Variants in NXN observed in about 807,000 individuals in gnomAD.
The protein encoded by NXN is nucleoredoxin, also known as nucleoredoxin 1.
NXN carries 16 observed loss-of-function variants against 48.6 expected under a neutral mutation model. The observed-to-expected ratio is 0.33, with a 90% CI of 0.22 to 0.50. The LOEUF (loss-of-function observed/expected upper bound fraction) is 0.50, where lower values mean the gene tolerates loss of function less well. NXN is among the 20% of genes least tolerant of loss of function. The pLI is 0.98. For missense variants in NXN, 492 were observed against 605.5 expected, an observed-to-expected ratio of 0.81 and a Z score of 1.97; for synonymous variants, 281 against 269.6, an observed-to-expected ratio of 1.04 and a Z score of -0.41.
Position 834,090 on chromosome 17 carries a change from C to T in NXN, c.361-8012G>A, listed in dbSNP as rs143558606. On this transcript the variant is annotated intron_variant, in intron 1 of 7. Transcript: ENST00000336868. Reference sequence around the variant, plus strand: ...ATCCCAGCACTCTGGGGGGACGAGGCGGGTGGATCGCTTGAGCCCAGGAGT... The same window carrying T: ...ATCCCAGCACTCTGGGGGGACGAGGTGGGTGGATCGCTTGAGCCCAGGAGT... 9.0e-4 allele frequency among the ~76,000 whole-genome samples: 137 copies of T among 152,234 alleles called. 2 individuals are homozygous for T. The South Asian group carries it at 0.014, about 15-fold the overall frequency.
chr17:947,622 A>T (rs1182436084), intron 1 of NXN, among the ~76,000 whole-genome samples: 1 of 151,222 alleles, frequency 6.6e-6, no homozygotes, highest in East Asian at 1.9e-4. Context: ...AATCCAAGCC[A>T]CTCGGGAGGC....
intron 1 of NXN, among the ~76,000 whole-genome samples, chr17:870,018 G>T (rs2068134891): frequency 6.6e-6 from 1 of 152,200 alleles, no homozygotes; most frequent in African/African-American, 2.4e-5. Context: ...AGCAATGCCT[G>T]GGAACGTTCC....
chr17:887,258 C>G (rs2068358885), intron 1 of NXN, among the ~76,000 whole-genome samples: 1 of 152,134 alleles, frequency 6.6e-6, no homozygotes, highest in South Asian at 2.1e-4. Context: ...TCCATGCTAG[C>G]TGACCGGCCA....
intron 1 of NXN, among the ~76,000 whole-genome samples, chr17:831,691 G>A (rs1054845412): frequency 4.6e-4 from 70 of 151,796 alleles, no homozygotes; most frequent in African/African-American, 1.5e-3. Context: ...TTAGAGAACC[G>A]GATTCACCCT....
At chr17:927,764 A>C (rs1294073124) in intron 1 of NXN, among the ~76,000 whole-genome samples, 5 of 152,058 alleles carry the variant, frequency 3.3e-5, no homozygotes, top group African/African-American at 1.2e-4. Flanking sequence ...TCTCAGAGGC[A>C]GAGAACAAAA....
intron 5 of NXN, among the ~76,000 whole-genome samples, chr17:807,469 C>G (rs370586946): frequency 6.6e-6 from 1 of 152,198 alleles, no homozygotes; most frequent in Non-Finnish European, 1.5e-5. Context: ...CGGCTCAGCG[C>G]CTGGGGCTCT....
Position 978,872 on chromosome 17 carries a change from G to C in NXN, c.360+447C>G, listed in dbSNP as rs2069495209. 4.0e-5 allele frequency among the ~76,000 whole-genome samples: 6 copies of C among 151,550 alleles called. No individual in the cohort carries two copies. The highest frequency in any genetic ancestry group is 3.3e-4 in the Admixed American group (5 of 15,266). On this transcript the variant is annotated intron_variant, in intron 1 of 7. Transcript: ENST00000336868. The surrounding 1 kb of genome is among the most constrained non-coding windows in gnomAD (Gnocchi z 4.1). ...CCTCCCCTCCCCACTGTGGGAATCC[G>C]CGGGGGTCGGCGGCGGAGGCAGGAA... is the stretch of plus-strand genomic sequence containing the variant.
intron 1 of NXN, among the ~76,000 whole-genome samples, chr17:904,285 CCGGACGT>C (rs11280595): frequency 8.7e-5 from 13 of 148,778 alleles, no homozygotes; most frequent in African/African-American, 3.1e-4. Flanking sequence ...TGCGGGCTGC[CCGGACGT>C]CGGACGCCGT....
rs188674424 is a variant in NXN at position 920,228 on chromosome 17, T to C, written c.360+59091A>G. 2.6e-4 allele frequency among the ~76,000 whole-genome samples: 39 copies of C among 152,182 alleles called. No individual in the cohort carries two copies. The highest frequency in any genetic ancestry group is 5.0e-4 in the Non-Finnish European group (34 of 68,016). On this transcript the variant is annotated intron_variant, in intron 1 of 7. Transcript: ENST00000336868. The surrounding 1 kb of genome is among the most constrained non-coding windows in gnomAD (Gnocchi z 4.6). Reference sequence around the variant, plus strand: ...ACCCCGAAATCCAACATTACAAACTTATCAATGCTGCCTCCTGTCATCTCC... The same window carrying C: ...ACCCCGAAATCCAACATTACAAACTCATCAATGCTGCCTCCTGTCATCTCC...
chr17:909,633 G>C (rs183762298), intron 1 of NXN: 14 of 150,550 alleles, frequency 9.3e-5, no homozygotes, highest in African/African-American at 3.2e-4. Flanking sequence ...CTGCCTCCCG[G>C]GTTCACGCCA....
intron 1 of NXN, among the ~76,000 whole-genome samples, chr17:973,150 A>G (rs955150390): frequency 6.6e-6 from 1 of 152,116 alleles, no homozygotes; most frequent in Admixed American, 6.5e-5. Flanking sequence ...AGAGCTGTGG[A>G]CGGCTACTCA....
intron 1 of NXN, among the ~76,000 whole-genome samples, chr17:866,529 G>A (rs555250200): frequency 4.6e-5 from 7 of 152,260 alleles, no homozygotes; most frequent in African/African-American, 1.2e-4. Context: ...CTGAGATCGC[G>A]TCATTGCCCT....
chr17:843,057 AAGGAAGAAAGCAAGCAAGC>A (rs1389818899), intron 1 of NXN, among the ~76,000 whole-genome samples: 159 of 105,936 alleles, frequency 1.5e-3, no homozygotes, highest in African/African-American at 6.4e-3. Flanking sequence ...AGAAAGAAAG[AAGGAAGAAAGCAAGCAAGC>A]AAGCTGCACC....
chr17:979,296 C>T (rs1567531069), intron 1 of NXN, 23 bp downstream of exon 1: 4 of 1,285,668 alleles, frequency 3.1e-6, no homozygotes, highest in Non-Finnish European at 4.1e-6. Flanking sequence ...CGGGCAGGGG[C>T]CGGCGAGGCC....
chr17:823,804 CT>C (rs1567818526), intron 2 of NXN, 39 bp from the exon 3 acceptor site: 8 of 1,611,636 alleles, frequency 5.0e-6, no homozygotes, highest in Non-Finnish European at 6.8e-6. Context: ...GGCTTAGACC[CT>C]TCTTGATGAC....
At position 853,721 on chromosome 17, in the gene NXN, ATATTT is replaced by A. The variant is rs1555614473; in HGVS notation, c.361-27648_361-27644del. Among the ~76,000 whole-genome samples, 522 of 105,126 alleles carry A rather than the reference ATATTT, an allele frequency of 5.0e-3. 4 individuals carry two copies. The highest frequency in any genetic ancestry group is 0.021 in the African/African-American group (439 of 20,804). The allele number at this position is 105,126 out of a possible 152,430, so 69.0% of individuals were successfully genotyped here. A position where few individuals can be genotyped will look rare whatever the true frequency, so the allele number is the denominator to read the frequency against. On this transcript the variant is annotated intron_variant, in intron 1 of 7. Transcript: ENST00000336868. ...TATACACATATATATATATATATAT[ATATTT>A]TTTTTTTTTTTTCCAAGACGGAGTC...
intron 6 of NXN, among the ~76,000 whole-genome samples, chr17:804,833 CT>C (rs1218337663): frequency 2.6e-5 from 4 of 152,322 alleles, no homozygotes; most frequent in Admixed American, 1.3e-4. Flanking sequence ...CTGACCTATT[CT>C]GCCCAGCTGG....
chr17:928,477 C>T (rs1306854403), intron 1 of NXN, among the ~76,000 whole-genome samples: 6 of 152,162 alleles, frequency 3.9e-5, no homozygotes, highest in African/African-American at 1.4e-4. Flanking sequence ...GGAAGTTTCT[C>T]ACTGTGTTCT....
intron 1 of NXN, among the ~76,000 whole-genome samples, chr17:947,881 T>TATAA (rs1481760395): frequency 2.7e-5 from 1 of 37,302 alleles, no homozygotes; most frequent in Non-Finnish European, 1.0e-4. Context: ...TCTACTGAAA[T>TATAA]ACAAAAAAAA....
Sources: allele counts gnomAD v4.1 joint callset (sites outside exome capture counted in the v4.1 genomes callset), GRCh38; gene constraint gnomAD v4.1.1; non-coding constraint Gnocchi (gnomAD v3.1); transcripts MANE v1.5; gene names NCBI Gene and HGNC (gene_info 2026-07-23, HGNC 2026-07-21).